AP5M1: variants seen among roughly 807,000 people sequenced by gnomAD.
AP5M1 encodes the protein AP-5 complex subunit mu-1.
In AP5M1, 44 loss-of-function variants were observed where a neutral mutation model predicts 52.3. That is an observed-to-expected ratio of 0.84 (90% confidence interval 0.66 to 1.08). The LOEUF is 1.08. Ranked by LOEUF, AP5M1 falls within the 50% of genes least tolerant of loss-of-function variation. The pLI, the probability that AP5M1 is intolerant of heterozygous loss-of-function variation, is 0.00. For synonymous variants in AP5M1, 213 were observed against 199.0 expected (o/e 1.07, Z -0.59); for missense variants, 526 against 568.4 (o/e 0.93, Z 0.76).
At position 57,292,146 on chromosome 14, in the gene AP5M1, A is replaced by T. The variant is rs1885450536; in HGVS notation, c.*3262A>T. On this transcript the variant is annotated 3_prime_UTR_variant, in exon 8 of 8. Transcript: ENST00000261558. ...ATTGTACCAGGCTGCTGAAAGGAAA[A>T]GGAGGCAAAAAGCTAAACATGGGAT... 6.6e-6 allele frequency: 1 copy of T among 151,904 alleles called. No homozygotes were observed. Among genetic ancestry groups the T allele is most frequent in the African/African-American group, 2.4e-5 (1 of 41,408 alleles). 9.4% of individuals were successfully genotyped at this position (151,904 alleles called of 1,614,324 possible).
chr14:57,287,291 G>A (rs1214421458), intron 7 of AP5M1, among the ~76,000 whole-genome samples: 1 of 151,974 alleles, frequency 6.6e-6, no homozygotes, highest in East Asian at 1.9e-4. Context: ...AAAATAAAAA[G>A]AATAGGAAAG....
intron 6 of AP5M1, among the ~76,000 whole-genome samples, chr14:57,285,750 A>T (rs907703004): frequency 6.6e-6 from 1 of 152,148 alleles, no homozygotes; most frequent in Non-Finnish European, 1.5e-5. Flanking sequence ...AAGACTTATG[A>T]TCTAGAATAT....
At chr14:57,287,596 C>T (rs1260670651) in intron 7 of AP5M1, among the ~76,000 whole-genome samples, 1 of 151,998 alleles carries the variant, frequency 6.6e-6, no homozygotes, top group South Asian at 2.1e-4. Context: ...TAGGAACATA[C>T]CTGCTTCTTA....
At chr14:57,271,828 T>C (rs568583631) in intron 1 of AP5M1, among the ~76,000 whole-genome samples, 5 of 152,358 alleles carry the variant, frequency 3.3e-5, no homozygotes, top group Non-Finnish European at 7.4e-5. Flanking sequence ...TCTTTGGATA[T>C]GATGTTAAGT....
chr14:57,273,872 G>GA, intron 1 of AP5M1: 4 of 600,816 alleles, frequency 6.7e-6, no homozygotes, highest in South Asian at 6.3e-5. Context: ...AGAATCAGAA[G>GA]AAAAAAAATT....
Position 57,274,823 on chromosome 14 carries a change from A to C in AP5M1, c.654A>C (p.Lys218Asn), listed in dbSNP as rs902107266. The C allele has an allele frequency of 1.2e-6, 2 of 1,614,216 alleles. No individual in the cohort carries two copies. The highest frequency in any genetic ancestry group is 1.7e-6 in the Non-Finnish European group (2 of 1,180,026). ...QVSISITEKV[K>N]SMQYDKQGIA... Reference sequence around the variant, plus strand: ...CTATTTCTATCACTGAAAAGGTAAAATCCATGCAATATGATAAACAGGGTA... The same window carrying C: ...CTATTTCTATCACTGAAAAGGTAAACTCCATGCAATATGATAAACAGGGTA... The change falls in exon 2 of 8, where the codon AAA (lysine) becomes AAC (asparagine). Residue 218 changes from lysine to asparagine, a missense_variant. Physicochemically the swap from Lys to Asn is moderately conservative, Grantham distance 94. This residue lies in a region of AP5M1 where 425 missense variants were observed against 430.6 expected (regional missense o/e 0.99). Transcript: ENST00000261558.
chr14:57,283,141 A>G lies in AP5M1; in HGVS notation c.1204A>G (p.Ser402Gly). 1 of 1,613,292 alleles carries G rather than the reference A, an allele frequency of 6.2e-7. No individual in the cohort carries two copies. The highest frequency in any genetic ancestry group is 8.5e-7 in the Non-Finnish European group (1 of 1,179,720). The change falls in exon 6 of 8, where the codon AGT becomes GGT. Residue 402 changes from serine (S) to glycine (G), a missense_variant. Physicochemically the swap from Ser to Gly is moderately conservative, Grantham distance 56 (BLOSUM62 0). This residue lies in a region of AP5M1 where 97 missense variants were observed against 121.3 expected (regional missense o/e 0.80). Coordinates refer to ENST00000261558, the MANE Select transcript of AP5M1 (RefSeq NM_018229.4). The part of the protein sequence containing the change: ...GQKFPKSMEI[S>G]LSGTVTFGAK... ...GAAGTTCCCAAAATCAATGGAAATT[A>G]GTCTTTCTGGAACTGTAACTTTTGG...
At chr14:57,287,319 T>G (rs1885334301) in intron 7 of AP5M1, among the ~76,000 whole-genome samples, 1 of 152,134 alleles carries the variant, frequency 6.6e-6, no homozygotes, top group Non-Finnish European at 1.5e-5. Context: ...CATGTACATT[T>G]CAAGAGAATT....
At chr14:57,280,813 C>T (rs9671392) in intron 3 of AP5M1, among the ~76,000 whole-genome samples, 7,098 of 150,878 alleles carry the variant, frequency 0.047, 573 homozygotes, top group African/African-American at 0.16. Context: ...ATCGCACCAG[C>T]GCACTCCAGC....
At chr14:57,281,899 G>A (rs771490521) in intron 3 of AP5M1, among the ~76,000 whole-genome samples, 190 bp from the exon 4 acceptor site, 8 of 152,122 alleles carry the variant, frequency 5.3e-5, no homozygotes, top group African/African-American at 1.9e-4. Context: ...TTTGTAAAGC[G>A]CTTTTCTCAT....
Position 57,282,917 on chromosome 14 carries a change from T to A in AP5M1, c.1089-17T>A. 2 of 1,518,952 alleles carry A rather than the reference T, an allele frequency of 1.3e-6. No homozygotes were observed. Among genetic ancestry groups the A allele is most frequent in the Non-Finnish European group, 1.8e-6 (2 of 1,114,850 alleles). 94.1% of individuals were successfully genotyped at this position (1,518,952 alleles called of 1,614,324 possible). A position where few individuals can be genotyped will look rare whatever the true frequency, so the allele number is the denominator to read the frequency against. On this transcript the variant is annotated splice_polypyrimidine_tract_variant and intron_variant, in intron 4 of 7. Transcript: ENST00000261558. The stretch of plus-strand genomic sequence containing the variant: ...ATATCTATGATCTTTTTCTATTTTA[T>A]CCTTTTCTTTTTAAAGAGGTCCAAT...
Position 57,274,307 on chromosome 14 carries a change from T to G in AP5M1, c.138T>G (p.Pro46=). 1 of 1,614,200 alleles carries G rather than the reference T, an allele frequency of 6.2e-7. No individual in the cohort carries two copies. The highest frequency in any genetic ancestry group is 1.3e-5 in the African/African-American group (1 of 75,056). ...ATGGAGCAAGTTATGTGCCTGTTCC[T>G]GAAGATGGTCCCTTTCTTAAAGCAC... ...VFNGASYVPV[P]EDGPFLKALL... Residue 46 remains proline (P), a synonymous_variant, in exon 2 of 8, where the codon CCT becomes CCG. Transcript: ENST00000261558.
chr14:57,293,614 C>T lies in AP5M1; in HGVS notation c.*4730C>T, dbSNP rs1885486552. On this transcript the variant is annotated 3_prime_UTR_variant, in exon 8 of 8. Coordinates refer to ENST00000261558, the MANE Select transcript of AP5M1 (RefSeq NM_018229.4). Reference sequence around the variant, plus strand: ...AAAGATAGAGGGCAGGTTCCCATGGCTATGTTGCTAAGAAACTAGTGTTTT... The same window carrying T: ...AAAGATAGAGGGCAGGTTCCCATGGTTATGTTGCTAAGAAACTAGTGTTTT... 1 of 151,640 alleles carries T rather than the reference C, an allele frequency of 6.6e-6. No homozygotes were observed. Among genetic ancestry groups the T allele is most frequent in the Non-Finnish European group, 1.5e-5 (1 of 67,764 alleles). 9.4% of individuals were successfully genotyped at this position (151,640 alleles called of 1,614,324 possible).
In AP5M1 at chr14:57,274,519, C is replaced by T. The variant is rs141643258; in HGVS notation, c.350C>T (p.Ser117Phe). ...GTTCCACTAGTTGAACAAACTCTGTCCCCTCGTCCGCCACTAATTAGTGTC... is the reference window on the plus strand; with the variant it reads ...GTTCCACTAGTTGAACAAACTCTGTTCCCTCGTCCGCCACTAATTAGTGTC... The part of the protein sequence containing the change: ...ACVPLVEQTL[S>F]PRPPLISVSG... The change falls in exon 2 of 8, where the codon TCC becomes TTC. Residue 117 changes from serine to phenylalanine, a missense_variant. This residue lies in a region of AP5M1 where 425 missense variants were observed against 430.6 expected (regional missense o/e 0.99). Transcript: ENST00000261558. 125 of 1,614,032 alleles carry T rather than the reference C, an allele frequency of 7.7e-5. No homozygotes were observed. The highest frequency in any genetic ancestry group is 1.0e-4 in the Non-Finnish European group (122 of 1,180,032).
In AP5M1 at chr14:57,294,425, G is replaced by C. The variant is rs1220889395; in HGVS notation, c.*5541G>C. On this transcript the variant is annotated 3_prime_UTR_variant, in exon 8 of 8. Coordinates refer to ENST00000261558, the MANE Select transcript of AP5M1 (RefSeq NM_018229.4). ...TTACTTTTTCCTTCAAAGGACTTGG[G>C]TGCCCTCTGCAGGTTATAAAGAGAT... 2 of 151,650 alleles carry C rather than the reference G, an allele frequency of 1.3e-5. No homozygotes were observed. The highest frequency in any genetic ancestry group is 4.8e-5 in the African/African-American group (2 of 41,312). 9.4% of individuals were successfully genotyped at this position (151,650 alleles called of 1,614,324 possible). A position where few individuals can be genotyped will look rare whatever the true frequency, so the allele number is the denominator to read the frequency against.
Position 57,291,641 on chromosome 14 carries a change from AGTCT to A in AP5M1, c.*2761_*2764del, listed in dbSNP as rs892982191. 6.6e-5 allele frequency: 10 copies of A among 151,846 alleles called. No individual in the cohort carries two copies. The highest frequency in any genetic ancestry group is 2.4e-4 in the African/African-American group (10 of 41,394). 9.4% of individuals were successfully genotyped at this position (151,846 alleles called of 1,614,324 possible). ...TAAAAAATTTTTTTTATTAAACATT[AGTCT>A]GTCCCATAAAATCGTTTTCATTTTT... On this transcript the variant is annotated 3_prime_UTR_variant, in exon 8 of 8. Coordinates refer to ENST00000261558, the MANE Select transcript of AP5M1 (RefSeq NM_018229.4).
intron 1 of AP5M1, among the ~76,000 whole-genome samples, chr14:57,272,396 A>T (rs574397341): frequency 6.6e-6 from 1 of 152,202 alleles, no homozygotes; most frequent in South Asian, 2.1e-4. Context: ...ATTTCCTATA[A>T]CAAAACTTGG....
intron 2 of AP5M1, among the ~76,000 whole-genome samples, chr14:57,276,300 G>A (rs951300625): frequency 2.6e-5 from 4 of 152,132 alleles, no homozygotes; most frequent in Non-Finnish European, 5.9e-5. Context: ...ATATGGCCTG[G>A]CGCAGTGGCT....
At chr14:57,277,759 T>G (rs1258408734) in intron 2 of AP5M1, among the ~76,000 whole-genome samples, 1 of 118,446 alleles carries the variant, frequency 8.4e-6, no homozygotes, top group Non-Finnish European at 1.6e-5. Flanking sequence ...CAAAAGTAGG[T>G]TTATAATTAG....
Sources: allele counts gnomAD v4.1 joint callset (sites outside exome capture counted in the v4.1 genomes callset), GRCh38; gene constraint gnomAD v4.1.1; regional missense constraint gnomAD v4.1.1; transcripts MANE v1.5; gene names NCBI Gene and HGNC (gene_info 2026-07-23, HGNC 2026-07-21).